Variants in TPP1 observed in about 807,000 individuals in gnomAD.
TPP1 encodes the protein tripeptidyl peptidase 1, also known as tripeptidyl-peptidase 1.
TPP1 carries 43 observed loss-of-function variants against 67.6 expected under a neutral mutation model. The observed-to-expected ratio is 0.64, with a 90% CI of 0.50 to 0.82. The LOEUF (loss-of-function observed/expected upper bound fraction) is 0.82. Among genes scored for constraint, TPP1 ranks in the 40% least tolerant of loss-of-function variants. TPP1 has a pLI of 0.00. For synonymous variants in TPP1, 272 were observed against 281.5 expected, an observed-to-expected ratio of 0.97 and a Z score of 0.34; for missense variants, 671 against 710.9, an observed-to-expected ratio of 0.94 and a Z score of 0.64.
At position 6,614,275 on chromosome 11, in the gene TPP1, A is replaced by C. The variant is rs1371974970; in HGVS notation, c.*271T>G. 1.9e-6 allele frequency: 1 copy of C among 528,524 alleles called. No individual in the cohort carries two copies. The highest frequency in any genetic ancestry group is 1.9e-5 in the African/African-American group (1 of 52,464). The allele number at this position is 528,524 out of a possible 1,614,324, so 32.7% of individuals were successfully genotyped here. On this transcript the variant is annotated 3_prime_UTR_variant, in exon 13 of 13. Transcript: ENST00000299427. ...TTTGGAAAAGCCTGATTGAAAAGAG[A>C]AAGATGAGATGCGGAGGGAGAGGCA... is the stretch of plus-strand genomic sequence containing the variant.
chr11:6,617,776 C>A lies in TPP1; in HGVS notation c.230G>T (p.Gly77Val), dbSNP rs1384224523. ...CACATTCTCTAGGGTCAGGTATTTT[C>A]CTGCAGGGATTCAGAAGAGGCACTT... ...AVSDPSSPQY[G>V]KYLTLENVAD... The change falls in exon 4 of 13, where the codon GGA becomes GTA. Residue 77 changes from glycine to valine, a missense_variant and splice_region_variant. Gly to Val is a moderately radical substitution (Grantham distance 109, BLOSUM62 -3). Transcript: ENST00000299427. The A allele has an allele frequency of 6.2e-7, 1 of 1,614,144 alleles. No homozygotes were observed. The highest frequency in any genetic ancestry group is 1.3e-5 in the African/African-American group (1 of 75,032).
chr11:6,618,533 T>C (rs1212280583), intron 3 of TPP1: 1 of 608,982 alleles, frequency 1.6e-6, no homozygotes, highest in Non-Finnish European at 2.9e-6. Context: ...TTAGAATGGA[T>C]TTGAGGGTAG....
Position 6,613,556 on chromosome 11 carries a change from A to T in TPP1, c.*990T>A, listed in dbSNP as rs1564853619. The T allele has an allele frequency of 6.6e-6, 1 of 152,586 alleles. No individual in the cohort carries two copies. The highest frequency in any genetic ancestry group is 1.5e-5 in the Non-Finnish European group (1 of 68,026). The allele number at this position is 152,586 out of a possible 1,614,324, so 9.5% of individuals were successfully genotyped here. On this transcript the variant is annotated 3_prime_UTR_variant, in exon 13 of 13. Coordinates refer to ENST00000299427, the MANE Select transcript of TPP1 (RefSeq NM_000391.4). ...GCAGGAAGTAAGGACACTTTTTTTCAAGAGAATATAGCCCTAAACTAAGGT... is the reference window on the plus strand; with the variant it reads ...GCAGGAAGTAAGGACACTTTTTTTCTAGAGAATATAGCCCTAAACTAAGGT...
intron 8 of TPP1, 96 bp from the exon 9 acceptor site, chr11:6,616,170 G>A: frequency 1.3e-6 from 2 of 1,577,934 alleles, no homozygotes; most frequent in South Asian, 1.1e-5. Context: ...TAGGAGGTCA[G>A]AGTGTAGAGG....
Position 6,614,544 on chromosome 11 carries a change from G to C in TPP1, c.*2C>G. 1 of 1,614,176 alleles carries C rather than the reference G, an allele frequency of 6.2e-7. No individual in the cohort carries two copies. On this transcript the variant is annotated 3_prime_UTR_variant, in exon 13 of 13. Coordinates refer to ENST00000299427, the MANE Select transcript of TPP1 (RefSeq NM_000391.4). ...CAAGCCATCTCTCCTGATAGGAAAG[G>C]GTCAGGGGTTGAGTAGAGTCTTCAG...
rs1245220130 is a variant in TPP1, at chr11:6,614,974, A to C, written c.1443T>G (p.Phe481Leu). The C allele has an allele frequency of 5.0e-6, 8 of 1,613,936 alleles. No individual in the cohort carries two copies. The highest frequency in any genetic ancestry group is 6.8e-6 in the Non-Finnish European group (8 of 1,180,030). ...VSGTSASTPV[F>L]GGILSLINEH... ...CATTGATCAAGGATAGGATCCCCCC[A>C]AACACTGGAGTAGAGGCCTACAAGA... is the stretch of plus-strand genomic sequence containing the variant. The change falls in exon 12 of 13, where the codon TTT becomes TTG. Residue 481 changes from phenylalanine to leucine, a missense_variant. Physicochemically the swap from Phe to Leu is conservative, Grantham distance 22. Transcript: ENST00000299427.
In TPP1 at chr11:6,615,170, C is replaced by G; in HGVS notation, c.1425+1G>C. The G allele has an allele frequency of 6.2e-7, 1 of 1,614,120 alleles. No homozygotes were observed. Among genetic ancestry groups the G allele is most frequent in the Non-Finnish European group, 8.5e-7 (1 of 1,180,026 alleles). On this transcript the variant is annotated splice_donor_variant, in intron 11 of 12. Coordinates refer to ENST00000299427, the MANE Select transcript of TPP1 (RefSeq NM_000391.4). LOFTEE classifies it high-confidence loss of function. ...GAGTTTGGAGATGGGCTGATTCTCACCGAGGTTCCGGACACCCATGGAATG... is the reference window on the plus strand; with the variant it reads ...GAGTTTGGAGATGGGCTGATTCTCAGCGAGGTTCCGGACACCCATGGAATG...
chr11:6,619,250 G>T lies in TPP1; in HGVS notation c.35C>A (p.Ala12Asp). The change falls in exon 2 of 13, where the codon GCC (alanine) becomes GAC (aspartate). Residue 12 changes from alanine (A) to aspartate (D), a missense_variant. Transcript: ENST00000299427. ...ACTGCATTTGCCAGAGAGGATGAGGGCAAAGAGCCCTAGGAGGCTGTAGGG... is the reference window on the plus strand; with the variant it reads ...ACTGCATTTGCCAGAGAGGATGAGGTCAAAGAGCCCTAGGAGGCTGTAGGG... Reference protein sequence around the residue: ...GLQACLLGLFALILSGKCSYS... With the variant: ...GLQACLLGLFDLILSGKCSYS... 6.2e-7 allele frequency: 1 copy of T among 1,614,152 alleles called. No homozygotes were observed. The highest frequency in any genetic ancestry group is 8.5e-7 in the Non-Finnish European group (1 of 1,180,006).
chr11:6,619,319 C>G (rs1205159411), intron 1 of TPP1, 52 bp from the exon 2 acceptor site: 7 of 1,614,122 alleles, frequency 4.3e-6, no homozygotes, highest in Non-Finnish European at 5.9e-6. Context: ...CCTTGTGTTC[C>G]CACCCTCCCA....
chr11:6,617,736 C>T lies in TPP1; in HGVS notation c.270G>A (p.Arg90=), dbSNP rs1282531003. 6.2e-7 allele frequency: 1 copy of T among 1,614,196 alleles called. No individual in the cohort carries two copies. The change falls in exon 4 of 13, where the codon AGG becomes AGA. Residue 90 remains arginine, a synonymous_variant. Coordinates refer to ENST00000299427, the MANE Select transcript of TPP1 (RefSeq NM_000391.4). ...LTLENVADLV[R]PSPLTLHTVQ... The stretch of plus-strand genomic sequence containing the variant: ...CCGTGTGGAGGGTCAGTGGGGATGG[C>T]CTCACCAGATCAGCCACATTCTCTA...
chr11:6,614,679 C>G lies in TPP1; in HGVS notation c.1559G>C (p.Arg520Pro), dbSNP rs368697480. 2 of 1,613,998 alleles carry G rather than the reference C, an allele frequency of 1.2e-6. No homozygotes were observed. The highest frequency in any genetic ancestry group is 1.7e-6 in the Non-Finnish European group (2 of 1,180,030). ...ATCCAGACAGGACTCATGGCAGCCACGGGTTACCTAGGGAGGAGGCTGGCA... is the reference window on the plus strand; with the variant it reads ...ATCCAGACAGGACTCATGGCAGCCAGGGGTTACCTAGGGAGGAGGCTGGCA... ...QHGAGLFDVTRGCHESCLDEE... is the reference protein window; with the variant it reads ...QHGAGLFDVTPGCHESCLDEE... Residue 520 changes from arginine to proline, a missense_variant, in exon 13 of 13, where the codon CGT becomes CCT. Transcript: ENST00000299427.
chr11:6,616,465 T>A lies in TPP1; in HGVS notation c.925A>T (p.Met309Leu), dbSNP rs763854371. ...AGGGCTGACTCATTACTGAGCAGCA[T>A]GAGCCACTGCAGGAAGGGCTCCTGT... Reference protein sequence around the residue: ...EGQEPFLQWLMLLSNESALPH... With the variant: ...EGQEPFLQWLLLLSNESALPH... Residue 309 changes from methionine (M) to leucine (L), a missense_variant, in exon 8 of 13, where the codon ATG becomes TTG. Met to Leu is a conservative substitution (Grantham distance 15). Transcript: ENST00000299427. 6 of 1,610,972 alleles carry A rather than the reference T, an allele frequency of 3.7e-6. No homozygotes were observed. The African/African-American group carries it at 5.4e-5, about 14-fold the overall frequency.
In TPP1 at chr11:6,614,446, A is replaced by G; in HGVS notation, c.*100T>C. ...GGGAGATAAGCTGTCTGCAGCAGTCAATAGTTGAGGGTTCAGCAGGGCTTC... is the reference window on the plus strand; with the variant it reads ...GGGAGATAAGCTGTCTGCAGCAGTCGATAGTTGAGGGTTCAGCAGGGCTTC... On this transcript the variant is annotated 3_prime_UTR_variant, in exon 13 of 13. Coordinates refer to ENST00000299427, the MANE Select transcript of TPP1 (RefSeq NM_000391.4). The G allele has an allele frequency of 6.5e-7, 1 of 1,533,978 alleles. No homozygotes were observed. Among genetic ancestry groups the G allele is most frequent in the Non-Finnish European group, 9.0e-7 (1 of 1,112,656 alleles).
At chr11:6,615,067 T>TCAGAC in intron 11 of TPP1, 76 bp from the exon 12 acceptor site, 4 of 1,613,540 alleles carry the variant, frequency 2.5e-6, no homozygotes, top group Non-Finnish European at 3.4e-6. Flanking sequence ...CTTTAAAGTA[T>TCAGAC]CAGACATCTC....
intron 3 of TPP1, chr11:6,618,291 G>A (rs1324957945): frequency 1.2e-5 from 4 of 329,350 alleles, no homozygotes; most frequent in Non-Finnish European, 2.3e-5. Context: ...CCAGGAGAAG[G>A]AACCAATCCA....
intron 9 of TPP1, 52 bp from the exon 10 acceptor site, chr11:6,615,614 A>G: frequency 6.2e-7 from 1 of 1,612,344 alleles, no homozygotes; most frequent in East Asian, 2.2e-5. Context: ...GGGACCTCCA[A>G]GATATGTGGG....
intron 8 of TPP1, 25 bp downstream of exon 8, chr11:6,616,290 G>A (rs1855583198): frequency 6.2e-7 from 1 of 1,612,802 alleles, no homozygotes; most frequent in Non-Finnish European, 8.5e-7. Context: ...TGTAAGCATT[G>A]TCTAAGTTTA....
At position 6,617,021 on chromosome 11, in the gene TPP1, T is replaced by C. The variant is rs1257914537; in HGVS notation, c.641A>G (p.Gln214Arg). The C allele has an allele frequency of 1.2e-6, 2 of 1,614,120 alleles. No homozygotes were observed. Among genetic ancestry groups the C allele is most frequent in the East Asian group, 4.5e-5 (2 of 44,880 alleles). The change falls in exon 6 of 13, where the codon CAA (glutamine) becomes CGA (arginine). Residue 214 changes from glutamine to arginine, a missense_variant. Transcript: ENST00000299427. ...VIRKRYNLTS[Q>R]DVGSGTSNNS... The stretch of plus-strand genomic sequence containing the variant: ...ATTGCTGGTGCCAGAGCCCACGTCT[T>C]GTGAGGTCAAGTTGTATCGCTTACG...
intron 8 of TPP1, 59 bp from the exon 9 acceptor site, chr11:6,616,133 G>A (rs755559244): frequency 3.0e-5 from 48 of 1,605,974 alleles, no homozygotes; most frequent in Admixed American, 6.7e-5. Flanking sequence ...ATGTGGGTTC[G>A]GATGTCAGAG....
Sources: gnomAD v4.1 joint callset for allele counts on GRCh38, gnomAD v4.1.1 for gene constraint, MANE v1.5 for transcripts, NCBI Gene and HGNC (gene_info 2026-07-23, HGNC 2026-07-21) for gene names.